Variants in RASA3 observed in about 807,000 individuals in gnomAD.
RASA3 encodes the protein RAS p21 protein activator 3.
In RASA3, 73 loss-of-function variants were observed where a neutral mutation model predicts 110.0. That is an observed-to-expected ratio of 0.66 (90% CI 0.55 to 0.81). The LOEUF is 0.81. RASA3 is among the 30% of genes least tolerant of loss of function. The probability of loss-of-function intolerance (pLI) is 0.00; values close to 1 mark genes in which losing one functional copy is unlikely to be tolerated. For synonymous variants in RASA3, 500 were observed against 451.4 expected, an observed-to-expected ratio of 1.11 and a Z score of -1.37; for missense variants, 976 against 1,113.2, an observed-to-expected ratio of 0.88 and a Z score of 1.75.
rs571484682 is a variant in RASA3, at chr13:114,034,155, C to T, written c.373-4268G>A. On this transcript the variant is annotated intron_variant, in intron 4 of 23. Coordinates refer to ENST00000334062, the MANE Select transcript of RASA3 (RefSeq NM_007368.4). ...CCCTGAACACCAGCCGGGCACTGGG[C>T]CTGCTATCCGTGGCTATCCACGGGC... 2.6e-5 allele frequency among the ~76,000 whole-genome samples: 4 copies of T among 152,304 alleles called. No homozygotes were observed. The East Asian group carries it at 7.7e-4, about 29-fold the overall frequency.
intron 1 of RASA3, among the ~76,000 whole-genome samples, chr13:114,101,301 G>T (rs1190654884): frequency 6.6e-6 from 1 of 152,194 alleles, no homozygotes; most frequent in Admixed American, 6.5e-5. Context: ...CTAGGAAGGG[G>T]TTCTGCCCAG....
At chr13:114,016,392 G>T in intron 12 of RASA3, 121 bp from the exon 13 acceptor site, 1 of 760,460 alleles carries the variant, frequency 1.3e-6, no homozygotes, top group South Asian at 1.4e-5. Context: ...AAAATGCCAC[G>T]ACAGCTCCCC....
intron 5 of RASA3, among the ~76,000 whole-genome samples, chr13:114,028,797 GGCGTCATCCTGGGGCCAGGACCTCTAAA>G (rs2054087467): frequency 3.0e-5 from 2 of 67,294 alleles, no homozygotes; most frequent in Admixed American, 1.5e-4. Flanking sequence ...CCTCTAAAAC[GGCGTCATCCTGGGGCCAGGACCTCTAAA>G]ACGGCATCAT....
chr13:114,071,478 C>T (rs960278297), intron 2 of RASA3, among the ~76,000 whole-genome samples: 1 of 152,208 alleles, frequency 6.6e-6, no homozygotes. Context: ...AGGCCTCTAA[C>T]AACAGACCAT....
At chr13:114,122,083 C>T (rs928873084) in intron 1 of RASA3, among the ~76,000 whole-genome samples, 5 of 152,220 alleles carry the variant, frequency 3.3e-5, no homozygotes, top group African/African-American at 7.2e-5. Flanking sequence ...CATTAGTTGT[C>T]GGGGAGGGAG....
chr13:113,999,484 TG>T (rs1330793426), intron 20 of RASA3, 100 bp downstream of exon 20: 1 of 879,054 alleles, frequency 1.1e-6, no homozygotes, highest in African/African-American at 1.7e-5. Flanking sequence ...TGGAGTGCAG[TG>T]GGTGGGGAAG....
At position 114,111,004 on chromosome 13, in the gene RASA3, A is replaced by C. The variant is rs77482334; in HGVS notation, c.55+21431T>G. Among the ~76,000 whole-genome samples, 11 of 152,066 alleles carry C rather than the reference A, an allele frequency of 7.2e-5. 1 individual carries two copies. The highest frequency in any genetic ancestry group is 1.6e-4 in the Non-Finnish European group (11 of 68,012). On this transcript the variant is annotated intron_variant, in intron 1 of 23. Coordinates refer to ENST00000334062, the MANE Select transcript of RASA3 (RefSeq NM_007368.4). ...GCTGCTCAAAGTAAAAAAAAAAAAA[A>C]CCTAAAACTGCAACATGGAACGGCA...
intron 4 of RASA3, among the ~76,000 whole-genome samples, chr13:114,034,133 T>C (rs1359635954): frequency 6.6e-6 from 1 of 151,998 alleles, no homozygotes; most frequent in Non-Finnish European, 1.5e-5. Flanking sequence ...AGGAGTGCCC[T>C]GAACACCAGC....
intron 22 of RASA3, among the ~76,000 whole-genome samples, chr13:113,983,016 G>A (rs1454995010): frequency 6.6e-6 from 1 of 151,444 alleles, no homozygotes; most frequent in Non-Finnish European, 1.5e-5. Context: ...CCAAGAACTT[G>A]GTACTGAGAA....
chr13:114,097,496 C>T (rs2079961717), intron 1 of RASA3, among the ~76,000 whole-genome samples: 1 of 152,246 alleles, frequency 6.6e-6, no homozygotes, highest in Non-Finnish European at 1.5e-5. Context: ...CAAATAGATG[C>T]CTCAGGGCGT....
chr13:113,980,523 C>T (rs557601574), intron 23 of RASA3, among the ~76,000 whole-genome samples: 29 of 151,220 alleles, frequency 1.9e-4, no homozygotes, highest in African/African-American at 6.1e-4. Flanking sequence ...GCCTCGTGTG[C>T]GCCTTCTACT....
At chr13:114,075,037 T>C (rs1488749382) in intron 1 of RASA3, among the ~76,000 whole-genome samples, 1 of 152,178 alleles carries the variant, frequency 6.6e-6, no homozygotes, top group African/African-American at 2.4e-5. Flanking sequence ...GTCATTTGGC[T>C]CTAAAGACGC....
In RASA3 at chr13:114,014,012, CTCTCTCCA is replaced by C; in HGVS notation, c.1406-772_1406-765del. ...TCCATCTCTCTCCGTCTGTCTCTGT[CTCTCTCCA>C]TCTCTCTCTCTCCGTCTCTATCTCT... is the stretch of plus-strand genomic sequence containing the variant. On this transcript the variant is annotated intron_variant, in intron 14 of 23. Transcript: ENST00000334062. The surrounding 1 kb of genome is among the most constrained non-coding windows in gnomAD (Gnocchi z 4.5). Among the ~76,000 whole-genome samples, 7 of 73,354 alleles carry C rather than the reference CTCTCTCCA, an allele frequency of 9.5e-5. No homozygotes were observed. Among genetic ancestry groups the C allele is most frequent in the African/African-American group, 5.5e-4 (6 of 10,930 alleles). 48.1% of individuals were successfully genotyped at this position (73,354 alleles called of 152,430 possible). A position where few individuals can be genotyped will look rare whatever the true frequency, so the allele number is the denominator to read the frequency against.
rs957923093 is a variant in RASA3 at position 113,989,811 on chromosome 13, T to G, written c.2245+2674A>C. On this transcript the variant is annotated intron_variant, in intron 22 of 23. Coordinates refer to ENST00000334062, the MANE Select transcript of RASA3 (RefSeq NM_007368.4). ...ACCCATCCAGGTGCTAGGCACTTCC[T>G]CTGTGCCAGGCCCAGGAAGGTCACT... Among the ~76,000 whole-genome samples the G allele has an allele frequency of 2.6e-5, 4 of 152,230 alleles. No individual in the cohort carries two copies. The East Asian group carries it at 7.7e-4, about 29-fold the overall frequency.
In RASA3 at chr13:114,048,556, C is replaced by T. The variant is rs930758348; in HGVS notation, c.277+3496G>A. ...CGGGCCTCGCGCATTTCCGTGGTTCCCGCATCCCAGCTGCGGGGAGCCATA... is the reference window on the plus strand; with the variant it reads ...CGGGCCTCGCGCATTTCCGTGGTTCTCGCATCCCAGCTGCGGGGAGCCATA... On this transcript the variant is annotated intron_variant, in intron 3 of 23. Transcript: ENST00000334062. The surrounding 1 kb of genome is among the most constrained non-coding windows in gnomAD (Gnocchi z 4.3). Among the ~76,000 whole-genome samples, 4 of 152,204 alleles carry T rather than the reference C, an allele frequency of 2.6e-5. No homozygotes were observed. The highest frequency in any genetic ancestry group is 5.9e-5 in the Non-Finnish European group (4 of 68,028).
At chr13:114,105,123 A>C (rs2080116773) in intron 1 of RASA3, among the ~76,000 whole-genome samples, 1 of 152,040 alleles carries the variant, frequency 6.6e-6, no homozygotes, top group African/African-American at 2.4e-5. Flanking sequence ...CCTGGCCCCC[A>C]GTCAGGGCAG....
chr13:114,013,346 G>C (rs1343839369), intron 14 of RASA3, 98 bp from the exon 15 acceptor site: 1 of 782,094 alleles, frequency 1.3e-6, no homozygotes, highest in African/African-American at 1.7e-5. Context: ...GGGAAGTCCA[G>C]CCACAGTCCT....
chr13:114,077,725 C>G (rs1388879943), intron 1 of RASA3: 1 of 887,364 alleles, frequency 1.1e-6, no homozygotes, highest in East Asian at 1.2e-4. Context: ...TTCCTCCCTC[C>G]CTGCCCGATG....
intron 1 of RASA3, among the ~76,000 whole-genome samples, chr13:114,078,889 C>A (rs766712021): frequency 6.6e-5 from 10 of 152,162 alleles, no homozygotes; most frequent in Non-Finnish European, 1.3e-4. Flanking sequence ...CCGCAGCACC[C>A]GGAGCCACAC....
Sources: gnomAD v4.1 joint callset for allele counts (sites outside exome capture counted in the v4.1 genomes callset) on GRCh38, gnomAD v4.1.1 for gene constraint, Gnocchi (gnomAD v3.1) non-coding constraint, MANE v1.5 for transcripts, NCBI Gene and HGNC (gene_info 2026-07-23, HGNC 2026-07-21) for gene names.